The following PCNX1 variants were observed in gnomAD, a reference collection of about 807,000 sequenced individuals.
PCNX1 encodes the protein pecanex-like protein 1.
A neutral mutation model predicts 242.2 loss-of-function variants in PCNX1; 78 were observed. The observed-to-expected ratio is 0.32, with a 90% CI of 0.27 to 0.39. The LOEUF (loss-of-function observed/expected upper bound fraction) is 0.39. Among genes scored for constraint, PCNX1 ranks in the 10% least tolerant of loss-of-function variants. The probability of loss-of-function intolerance (pLI) is 1.00; values close to 1 mark genes in which losing one functional copy is unlikely to be tolerated. For missense variants in PCNX1, 2,581 were observed against 2,856.5 expected (o/e 0.90, Z 2.20); for synonymous variants, 1,024 against 1,032.9 (o/e 0.99, Z 0.17).
intron 29 of PCNX1, among the ~76,000 whole-genome samples, chr14:71,088,779 G>T (rs542033611): frequency 6.6e-6 from 1 of 152,058 alleles, no homozygotes; most frequent in South Asian, 2.1e-4. Flanking sequence ...TTTGTCCAGG[G>T]TATTTATACT....
At position 71,003,080 on chromosome 14, in the gene PCNX1, C is replaced by CTTTTTTTTTTTTTTTTTTTTTTT. The variant is rs3083307; in HGVS notation, c.2630-6534_2630-6533insTTTTTTTTTTTTTTTTTTTTTTT. 4.2e-4 allele frequency among the ~76,000 whole-genome samples: 40 copies of CTTTTTTTTTTTTTTTTTTTTTTT among 95,472 alleles called. 3 individuals are homozygous for CTTTTTTTTTTTTTTTTTTTTTTT. The highest frequency in any genetic ancestry group is 1.6e-3 in the African/African-American group (35 of 21,296). 62.6% of individuals were successfully genotyped at this position (95,472 alleles called of 152,430 possible). ...TAAAAATCGGGTTGTTGGTTGTCTT[C>CTTTTTTTTTTTTTTTTTTTTTTT]TTTTTTTTTTTTTTTTTTTTGAGAC... On this transcript the variant is annotated intron_variant, in intron 8 of 35. Transcript: ENST00000304743.
chr14:70,915,923 A>G (rs2056135014), intron 1 of PCNX1, among the ~76,000 whole-genome samples: 1 of 152,218 alleles, frequency 6.6e-6, no homozygotes, highest in Non-Finnish European at 1.5e-5. Flanking sequence ...GCAGGAAGGA[A>G]GGAGGCAAGG....
At chr14:71,042,467 C>G (rs534485974) in intron 19 of PCNX1, among the ~76,000 whole-genome samples, 1 of 151,984 alleles carries the variant, frequency 6.6e-6, no homozygotes, top group East Asian at 1.9e-4. Flanking sequence ...TTTATTTTGT[C>G]TGATACAAGT....
intron 1 of PCNX1, among the ~76,000 whole-genome samples, chr14:70,945,741 C>A (rs1180762157): frequency 6.6e-6 from 1 of 151,836 alleles, no homozygotes; most frequent in Non-Finnish European, 1.5e-5. Context: ...GATCTTGGCT[C>A]ACTAGAACCT....
intron 2 of PCNX1, among the ~76,000 whole-genome samples, chr14:70,952,740 A>G (rs1484667706): frequency 1.3e-5 from 2 of 152,082 alleles, no homozygotes; most frequent in Non-Finnish European, 2.9e-5. Flanking sequence ...GATTATTTCT[A>G]GTGTTTTTTG....
At chr14:71,050,955 G>T (rs1349000553) in intron 23 of PCNX1, among the ~76,000 whole-genome samples, 195 bp downstream of exon 23, 1 of 151,926 alleles carries the variant, frequency 6.6e-6, no homozygotes, top group Non-Finnish European at 1.5e-5. Context: ...GATCACCTGA[G>T]ATTGGGAGTT....
At position 70,962,247 on chromosome 14, in the gene PCNX1, A is replaced by G. The variant is rs1292836932; in HGVS notation, c.384A>G (p.Glu128=). 1 of 1,611,170 alleles carries G rather than the reference A, an allele frequency of 6.2e-7. No individual in the cohort carries two copies. The highest frequency in any genetic ancestry group is 1.7e-5 in the Admixed American group (1 of 60,000). The change falls in exon 3 of 36, where the codon GAA becomes GAG. Residue 128 remains glutamate, a synonymous_variant. Transcript: ENST00000304743. The part of the protein sequence containing the change: ...NGPSDPGGGI[E]MSEFIREATP... ...ACAGTGATCCTGGTGGAGGGATTGA[A>G]ATGTCTGAGTTCATCCGAGAGGCCA...
At position 70,976,432 on chromosome 14, in the gene PCNX1, GTA is replaced by G. The variant is rs1297876205; in HGVS notation, c.605-509_605-508del. On this transcript the variant is annotated intron_variant, in intron 5 of 35. Coordinates refer to ENST00000304743, the MANE Select transcript of PCNX1 (RefSeq NM_014982.3). ...CTTTTGCCCAGGCTGGAGTGCAGTG[GTA>G]CGATCTCGGCTCACTGCATGCTCCG... 4.0e-5 allele frequency among the ~76,000 whole-genome samples: 6 copies of G among 149,756 alleles called. No individual in the cohort carries two copies. The East Asian group carries it at 5.9e-4, about 15-fold the overall frequency.
intron 7 of PCNX1, 124 bp from the exon 8 acceptor site, chr14:70,995,617 G>A (rs555113678): frequency 4.5e-5 from 32 of 717,520 alleles, no homozygotes; most frequent in Middle Eastern, 4.0e-4. Flanking sequence ...GTTTGTTGGC[G>A]CTTTCTTAGG....
chr14:70,970,132 G>A (rs1024038576), intron 5 of PCNX1: 1 of 152,172 alleles, frequency 6.6e-6, no homozygotes, highest in Non-Finnish European at 1.5e-5. Flanking sequence ...GGCCAAGGCA[G>A]GAGGATCGCT....
At chr14:70,999,463 G>A (rs1260459633) in intron 8 of PCNX1, among the ~76,000 whole-genome samples, 1 of 152,092 alleles carries the variant, frequency 6.6e-6, no homozygotes, top group Non-Finnish European at 1.5e-5. Flanking sequence ...AAGAAATGAG[G>A]ACAAGAGTTC....
In PCNX1 at chr14:71,096,972, A is replaced by G. The variant is rs191452178; in HGVS notation, c.5590-5018A>G. Among the ~76,000 whole-genome samples the G allele has an allele frequency of 3.3e-5, 5 of 152,288 alleles. No individual in the cohort carries two copies. The East Asian group carries it at 9.6e-4, about 29-fold the overall frequency. Reference sequence around the variant, plus strand: ...TACTTCCTTACTTCTCACCCCATACAGAGAAGGATGTACCTCCCTCCTCCT... The same window carrying G: ...TACTTCCTTACTTCTCACCCCATACGGAGAAGGATGTACCTCCCTCCTCCT... On this transcript the variant is annotated intron_variant, in intron 30 of 35. Transcript: ENST00000304743.
At position 71,051,462 on chromosome 14, in the gene PCNX1, C is replaced by T. The variant is rs532463663; in HGVS notation, c.4448-421C>T. Among the ~76,000 whole-genome samples the T allele has an allele frequency of 3.2e-4, 48 of 152,104 alleles. No individual in the cohort carries two copies. In the South Asian group the frequency reaches 9.6e-3, roughly 30 times the overall value. On this transcript the variant is annotated intron_variant, in intron 23 of 35. Coordinates refer to ENST00000304743, the MANE Select transcript of PCNX1 (RefSeq NM_014982.3). ...TTATGAAATTGATAGAATTAAACTTCTGTAAAAAATTTTCTACTCCCACGA... is the reference window on the plus strand; with the variant it reads ...TTATGAAATTGATAGAATTAAACTTTTGTAAAAAATTTTCTACTCCCACGA...
chr14:71,026,152 T>C lies in PCNX1; in HGVS notation c.3219T>C (p.Val1073=), dbSNP rs79394793. 1,874 of 1,609,986 alleles carry C rather than the reference T, an allele frequency of 1.2e-3. 33 individuals carry two copies. The East Asian group carries it at 0.037, about 31-fold the overall frequency. The change falls in exon 14 of 36, where the codon GTT becomes GTC. Residue 1073 remains valine, a synonymous_variant. Transcript: ENST00000304743. ...HNRIIAYSRP[V]YFCICCGLIW... The stretch of plus-strand genomic sequence containing the variant: ...GTATCATTGCCTACAGTAGACCAGT[T>C]TATTTCTGCATATGTTGCGGTCTTA...
chr14:70,928,802 A>C (rs556135861), intron 1 of PCNX1, among the ~76,000 whole-genome samples: 4 of 152,180 alleles, frequency 2.6e-5, no homozygotes, highest in Non-Finnish European at 5.9e-5. Flanking sequence ...GTACCAGACT[A>C]TTTCTTTAAT....
At chr14:71,047,128 A>G (rs1351473248) in intron 21 of PCNX1, 23 bp downstream of exon 21, 1 of 1,416,116 alleles carries the variant, frequency 7.1e-7, no homozygotes, top group Non-Finnish European at 9.6e-7. Context: ...GTCTTCTAAT[A>G]TTGTCTGACT....
intron 11 of PCNX1, among the ~76,000 whole-genome samples, chr14:71,018,141 A>C (rs2060006731): frequency 6.6e-6 from 1 of 151,968 alleles, no homozygotes; most frequent in Non-Finnish European, 1.5e-5. Context: ...TCCTATGCCC[A>C]TGGTTTTGTG....
chr14:71,026,256 T>G lies in PCNX1; in HGVS notation c.3323T>G (p.Leu1108Arg). Reference protein sequence around the residue: ...KLYGITFTNPLVFISARDLVI... With the variant: ...KLYGITFTNPRVFISARDLVI... ...TATGGAATAACTTTCACCAATCCAC[T>G]GGTGTTTATATCAGCCAGGGATTTA... Residue 1108 changes from leucine to arginine, a missense_variant, in exon 14 of 36, where the codon CTG (leucine) becomes CGG (arginine). Coordinates refer to ENST00000304743, the MANE Select transcript of PCNX1 (RefSeq NM_014982.3). 1 of 1,609,036 alleles carries G rather than the reference T, an allele frequency of 6.2e-7. No individual in the cohort carries two copies. The highest frequency in any genetic ancestry group is 8.5e-7 in the Non-Finnish European group (1 of 1,177,256).
At chr14:71,081,176 G>A (rs951644838) in intron 28 of PCNX1, among the ~76,000 whole-genome samples, 2 of 152,172 alleles carry the variant, frequency 1.3e-5, no homozygotes, top group African/African-American at 2.4e-5. Context: ...TACGTTTATT[G>A]ATTTGCATAT....
Sources: allele counts gnomAD v4.1 joint callset (sites outside exome capture counted in the v4.1 genomes callset), GRCh38; gene constraint gnomAD v4.1.1; transcripts MANE v1.5; gene names NCBI Gene and HGNC (gene_info 2026-07-23, HGNC 2026-07-21).